The following CC2D2A variants were observed in gnomAD, a reference collection of about 807,000 sequenced individuals.
CC2D2A encodes coiled-coil and C2 domain-containing protein 2A.
CC2D2A carries 155 observed loss-of-function variants against 212.9 expected under a neutral mutation model. The ratio of observed to expected loss-of-function variants is 0.73; its 90% CI spans 0.64 to 0.83. The LOEUF is 0.83. Among genes scored for constraint, CC2D2A ranks in the 40% least tolerant of loss-of-function variants. CC2D2A has a pLI of 0.00. For synonymous variants in CC2D2A, 667 were observed against 686.5 expected (o/e 0.97, Z 0.44); for missense variants, 1,856 against 1,956.2 (o/e 0.95, Z 0.97).
At chr4:15,559,694 A>C (rs1456301228) in intron 22 of CC2D2A, among the ~76,000 whole-genome samples, 1 of 132,396 alleles carries the variant, frequency 7.6e-6, no homozygotes, top group Admixed American at 7.2e-5. Context: ...TCCTTCCTTC[A>C]ATAAACTTAA....
chr4:15,558,078 A>G (rs1719380333), intron 21 of CC2D2A, among the ~76,000 whole-genome samples: 1 of 152,178 alleles, frequency 6.6e-6, no homozygotes, highest in Non-Finnish European at 1.5e-5. Context: ...TGTGGGGTGG[A>G]GGAGCCTTTG....
At chr4:15,588,940 T>C (rs948113993) in intron 32 of CC2D2A, among the ~76,000 whole-genome samples, 7 of 151,824 alleles carry the variant, frequency 4.6e-5, no homozygotes, top group African/African-American at 1.2e-4. Context: ...ATTGTAAAAA[T>C]AGAACCTAAC....
intron 11 of CC2D2A, among the ~76,000 whole-genome samples, chr4:15,523,711 G>A (rs1026628211): frequency 2.1e-4 from 32 of 152,178 alleles, no homozygotes; most frequent in African/African-American, 5.3e-4. Flanking sequence ...ATTTGATGCC[G>A]GCAGGCCTCT....
chr4:15,577,928 A>C (rs1177952811), intron 29 of CC2D2A, among the ~76,000 whole-genome samples: 1 of 152,140 alleles, frequency 6.6e-6, no homozygotes, highest in East Asian at 1.9e-4. Flanking sequence ...AATTTTTCAG[A>C]CTCCCAACAT....
chr4:15,567,487 G>C lies in CC2D2A; in HGVS notation c.3288+5G>C. 6.2e-7 allele frequency: 1 copy of C among 1,609,756 alleles called. No individual in the cohort carries two copies. Among genetic ancestry groups the C allele is most frequent in the Non-Finnish European group, 8.5e-7 (1 of 1,177,550 alleles). On this transcript the variant is annotated splice_donor_5th_base_variant and intron_variant, in intron 25 of 36. Transcript: ENST00000424120. ...GCTGACTACCCCCTCGGCCAGGTGAGAGATGCTGGACTTCAGCTTTCCACC... is the reference window on the plus strand; with the variant it reads ...GCTGACTACCCCCTCGGCCAGGTGACAGATGCTGGACTTCAGCTTTCCACC...
At chr4:15,553,382 C>A in intron 19 of CC2D2A, 77 bp downstream of exon 19, 1 of 1,474,500 alleles carries the variant, frequency 6.8e-7, no homozygotes, top group Non-Finnish European at 9.3e-7. Context: ...AGAAAGCTTG[C>A]AGTATCATAT....
Position 15,596,211 on chromosome 4 carries a change from TA to T in CC2D2A, c.4437+7del, listed in dbSNP as rs1386029753. 2 of 1,509,774 alleles carry T rather than the reference TA, an allele frequency of 1.3e-6. No individual in the cohort carries two copies. The highest frequency in any genetic ancestry group is 4.9e-5 in the East Asian group (2 of 40,628). 93.5% of individuals were successfully genotyped at this position (1,509,774 alleles called of 1,614,324 possible). A position where few individuals can be genotyped will look rare whatever the true frequency, so the allele number is the denominator to read the frequency against. Reference sequence around the variant, plus strand: ...TCCTGGCCTTTCCAGTGTTCAGGTATAAATCTTTTATTAACAGTTAAATGTA... The same window carrying T: ...TCCTGGCCTTTCCAGTGTTCAGGTATAATCTTTTATTAACAGTTAAATGTA... On this transcript the variant is annotated splice_donor_5th_base_variant and intron_variant, in intron 34 of 36. Transcript: ENST00000424120.
intron 4 of CC2D2A, among the ~76,000 whole-genome samples, chr4:15,490,326 A>G (rs1715226684): frequency 6.6e-6 from 1 of 152,148 alleles, no homozygotes; most frequent in African/African-American, 2.4e-5. Context: ...CCAGACAAAC[A>G]CTGATCTGTT....
chr4:15,520,005 C>T (rs1717114258), intron 11 of CC2D2A, among the ~76,000 whole-genome samples: 1 of 152,106 alleles, frequency 6.6e-6, no homozygotes, highest in Non-Finnish European at 1.5e-5. Context: ...TCATTTTTGT[C>T]TATAAAGAGG....
rs752059285 is a variant in CC2D2A at position 15,563,338 on chromosome 4, T to C, written c.3015-17T>C. The C allele has an allele frequency of 6.3e-7, 1 of 1,585,662 alleles. No individual in the cohort carries two copies. The highest frequency in any genetic ancestry group is 1.8e-5 in the Admixed American group (1 of 55,264). ...TTTCTTTTTCTTAGAGTCCTGATCC[T>C]GTTCTGTAATCATTAGCATTTTGGG... On this transcript the variant is annotated splice_polypyrimidine_tract_variant and intron_variant, in intron 23 of 36. Coordinates refer to ENST00000424120, the MANE Select transcript of CC2D2A (RefSeq NM_001378615.1).
rs1717279658 is a variant in CC2D2A, at chr4:15,522,726, A to G, written c.1150-4721A>G. Among the ~76,000 whole-genome samples, 3 of 152,330 alleles carry G rather than the reference A, an allele frequency of 2.0e-5. No homozygotes were observed. The South Asian group carries it at 6.2e-4, about 32-fold the overall frequency. ...TACATCTTAAGAAGTAATTAGTGCA[A>G]AAGTAAAAAATTAAAATGCTAGATA... On this transcript the variant is annotated intron_variant, in intron 11 of 36. Coordinates refer to ENST00000424120, the MANE Select transcript of CC2D2A (RefSeq NM_001378615.1).
intron 4 of CC2D2A, among the ~76,000 whole-genome samples, chr4:15,490,934 G>A (rs112686453): frequency 0.056 from 8,465 of 151,908 alleles, 653 homozygotes; most frequent in African/African-American, 0.17. Flanking sequence ...TTGCTCAATC[G>A]ATCACGACCC....
intron 14 of CC2D2A, 28 bp downstream of exon 14, chr4:15,533,361 T>C (rs1385977917): frequency 1.4e-6 from 2 of 1,473,506 alleles, no homozygotes; most frequent in East Asian, 5.0e-5. Context: ...ATTATTTTAT[T>C]GGGCTATATC....
rs951039594 is a variant in CC2D2A, at chr4:15,586,166, G to C, written c.3985G>C (p.Ala1329Pro). The C allele has an allele frequency of 5.6e-6, 9 of 1,609,402 alleles. No individual in the cohort carries two copies. The African/African-American group carries it at 1.2e-4, about 22-fold the overall frequency. ...CATTTTGATTATACAGGAACTGGTG[G>C]CTCGATATGTGTCCTTGATTCCCTT... ...NNLQATAELVARYVSLIPFLP... is the reference protein window; with the variant it reads ...NNLQATAELVPRYVSLIPFLP... The change falls in exon 31 of 37, where the codon GCT (alanine) becomes CCT (proline). Residue 1329 changes from alanine (A) to proline (P), a missense_variant. Ala to Pro is a conservative substitution (Grantham distance 27). Transcript: ENST00000424120.
rs372873919 is a variant in CC2D2A, at chr4:15,514,821, C to A, written c.832C>A (p.Arg278=). The change falls in exon 9 of 37, where the codon CGG becomes AGG. Residue 278 remains arginine, a synonymous_variant. Transcript: ENST00000424120. Reference sequence around the variant, plus strand: ...TGCAGATTATGAAAGCATCCATGATCGGCTGCAGATGGAAAGAGAAATGCT... The same window carrying A: ...TGCAGATTATGAAAGCATCCATGATAGGCTGCAGATGGAAAGAGAAATGCT... The part of the protein sequence containing the change: ...RPADYESIHD[R]LQMEREMLFI... 3 of 1,613,834 alleles carry A rather than the reference C, an allele frequency of 1.9e-6. No homozygotes were observed. Among genetic ancestry groups the A allele is most frequent in the Non-Finnish European group, 2.5e-6 (3 of 1,179,778 alleles).
intron 21 of CC2D2A, among the ~76,000 whole-genome samples, chr4:15,558,118 T>C (rs987412099): frequency 6.6e-6 from 1 of 151,850 alleles, no homozygotes; most frequent in African/African-American, 2.4e-5. Context: ...CCTGTGTAGG[T>C]GGGGCAGGCC....
rs759192059 is a variant in CC2D2A at position 15,540,820 on chromosome 4, A to G, written c.2004-17A>G. 2.5e-6 allele frequency: 4 copies of G among 1,587,560 alleles called. No homozygotes were observed. Among genetic ancestry groups the G allele is most frequent in the Admixed American group, 3.6e-5 (2 of 56,256 alleles). Reference sequence around the variant, plus strand: ...AAATTATTACTAACTCCACCTGTGAATGGTCTCCTTTTGCAGAGCGGAGGT... The same window carrying G: ...AAATTATTACTAACTCCACCTGTGAGTGGTCTCCTTTTGCAGAGCGGAGGT... On this transcript the variant is annotated splice_polypyrimidine_tract_variant and intron_variant, in intron 16 of 36. Coordinates refer to ENST00000424120, the MANE Select transcript of CC2D2A (RefSeq NM_001378615.1).
intron 35 of CC2D2A, among the ~76,000 whole-genome samples, chr4:15,598,880 C>G (rs1168823592): frequency 1.3e-5 from 2 of 152,122 alleles, no homozygotes; most frequent in Admixed American, 6.6e-5. Flanking sequence ...CATTTCATGG[C>G]CAAGCGCAGT....
At chr4:15,530,011 G>T (rs533295395) in intron 13 of CC2D2A, among the ~76,000 whole-genome samples, 1 of 148,250 alleles carries the variant, frequency 6.7e-6, no homozygotes, top group Admixed American at 6.8e-5. Context: ...TCACTCTGTC[G>T]CCCAGGCTGG....
Sources: allele counts gnomAD v4.1 joint callset (sites outside exome capture counted in the v4.1 genomes callset), GRCh38; gene constraint gnomAD v4.1.1; transcripts MANE v1.5; gene names NCBI Gene and HGNC (gene_info 2026-07-23, HGNC 2026-07-21).